Variants in ARMC3 observed in about 807,000 individuals in gnomAD.
The protein encoded by ARMC3 is armadillo repeat containing 3, also known as armadillo repeat-containing protein 3.
ARMC3 carries 74 observed loss-of-function variants against 90.3 expected under a neutral mutation model. The observed-to-expected ratio is 0.82, with a 90% CI of 0.68 to 0.99. ARMC3 has a LOEUF of 0.99. Ranked by LOEUF, ARMC3 falls within the 50% of genes least tolerant of loss-of-function variation. The pLI, the probability that ARMC3 is intolerant of heterozygous loss-of-function variation, is 0.00. For synonymous variants in ARMC3, 334 were observed against 361.8 expected, an observed-to-expected ratio of 0.92 and a Z score of 0.87; for missense variants, 958 against 1,042.8, an observed-to-expected ratio of 0.92 and a Z score of 1.12.
chr10:22,976,875 CACGG>C (rs1835947680), intron 8 of ARMC3, among the ~76,000 whole-genome samples: 1 of 152,162 alleles, frequency 6.6e-6, no homozygotes, highest in South Asian at 2.1e-4. Flanking sequence ...GCAGGGAGTT[CACGG>C]ACTGCCTGAA....
Position 23,032,911 on chromosome 10 carries a change from A to C in ARMC3, c.2297A>C (p.Asp766Ala). 6.2e-7 allele frequency: 1 copy of C among 1,613,064 alleles called. No individual in the cohort carries two copies. The highest frequency in any genetic ancestry group is 8.5e-7 in the Non-Finnish European group (1 of 1,179,416). The change falls in exon 18 of 19, where the codon GAT becomes GCT. Residue 766 changes from aspartate to alanine, a missense_variant. Physicochemically the swap from Asp to Ala is moderately radical, Grantham distance 126. Transcript: ENST00000298032. ...AAGATTCCAAAAGAGAAACTACCTG[A>C]TTTCAGCTGGGAACTTCACATAAGT... ...GGKIPKEKLP[D>A]FSWELHISEL...
At chr10:22,945,522 CT>C (rs1834492155) in intron 2 of ARMC3, among the ~76,000 whole-genome samples, 1 of 152,206 alleles carries the variant, frequency 6.6e-6, no homozygotes, top group African/African-American at 2.4e-5. Context: ...ATCATTTCCC[CT>C]GTTCCAGGTT....
At chr10:22,939,408 A>T (rs943725914) in intron 2 of ARMC3, among the ~76,000 whole-genome samples, 1 of 152,100 alleles carries the variant, frequency 6.6e-6, no homozygotes, top group Non-Finnish European at 1.5e-5. Flanking sequence ...CCCTCTCTAG[A>T]GCTCACACCG....
intron 16 of ARMC3, among the ~76,000 whole-genome samples, chr10:23,018,917 T>C (rs1280451806): frequency 6.6e-6 from 1 of 152,174 alleles, no homozygotes; most frequent in South Asian, 2.1e-4. Context: ...GTGACTCCCC[T>C]GACCCCTGCA....
chr10:23,022,026 TA>T (rs2131540558), intron 16 of ARMC3, among the ~76,000 whole-genome samples: 1 of 152,310 alleles, frequency 6.6e-6, no homozygotes, highest in East Asian at 1.9e-4. Context: ...GTGTCATGTC[TA>T]AAAACTCCCT....
At chr10:22,994,687 G>C (rs577990627) in intron 10 of ARMC3, among the ~76,000 whole-genome samples, 1 of 152,336 alleles carries the variant, frequency 6.6e-6, no homozygotes, top group South Asian at 2.1e-4. Context: ...AGGACTGGAG[G>C]GGGTGAGGAG....
Position 23,010,946 on chromosome 10 carries a change from T to TCCCC in ARMC3, c.2045+2015_2045+2016insCCCC, listed in dbSNP as rs1298852358. Among the ~76,000 whole-genome samples the TCCCC allele has an allele frequency of 7.3e-3, 775 of 106,338 alleles. 19 individuals are homozygous for TCCCC. Among genetic ancestry groups the TCCCC allele is most frequent in the Non-Finnish European group, 8.8e-3 (455 of 51,638 alleles). The allele number at this position is 106,338 out of a possible 152,430, so 69.8% of individuals were successfully genotyped here. A position where few individuals can be genotyped will look rare whatever the true frequency, so the allele number is the denominator to read the frequency against. On this transcript the variant is annotated intron_variant, in intron 16 of 18. Transcript: ENST00000298032. ...TTCCCTCCCCCTTCCTTCCTTTCCC[T>TCCCC]TCCCTTCCCTGTTCTTCCCTTCCCT...
intron 8 of ARMC3, among the ~76,000 whole-genome samples, chr10:22,973,657 T>G (rs1165712331): frequency 6.6e-6 from 1 of 151,646 alleles, no homozygotes; most frequent in African/African-American, 2.4e-5. Context: ...CTTATTCTTT[T>G]TTTAGCTATA....
chr10:23,009,486 G>GTGTTTTGTTT (rs143027846), intron 16 of ARMC3, among the ~76,000 whole-genome samples: 4 of 150,988 alleles, frequency 2.6e-5, no homozygotes, highest in Admixed American at 1.3e-4. Flanking sequence ...TTTGAGGTCT[G>GTGTTTTGTTT]TGTTTTGTTT....
At chr10:22,929,309 AGAAAAAGAAAG>A (rs1423131869) in intron 1 of ARMC3, among the ~76,000 whole-genome samples, 3 of 136,864 alleles carry the variant, frequency 2.2e-5, no homozygotes, top group African/African-American at 9.3e-5. Flanking sequence ...AGAAAGAAAA[AGAAAAAGAAAG>A]GAAAGGAAAG....
chr10:22,954,707 T>C (rs548260800), intron 3 of ARMC3, among the ~76,000 whole-genome samples: 1 of 149,246 alleles, frequency 6.7e-6, no homozygotes, highest in African/African-American at 2.5e-5. Context: ...AAAAGAAAAA[T>C]GGGAAGTAGA....
intron 8 of ARMC3, 30 bp downstream of exon 8, chr10:22,968,519 A>G: frequency 6.6e-7 from 1 of 1,523,488 alleles, no homozygotes; most frequent in Non-Finnish European, 8.8e-7. Context: ...ATTTATTTTG[A>G]GATAGGATCT....
At chr10:23,005,068 C>T (rs1040778420) in intron 13 of ARMC3, among the ~76,000 whole-genome samples, 1 of 151,984 alleles carries the variant, frequency 6.6e-6, no homozygotes, top group Admixed American at 6.6e-5. Flanking sequence ...AAAAAATTAG[C>T]CGGGCGTGGT....
intron 16 of ARMC3, among the ~76,000 whole-genome samples, 179 bp from the exon 17 acceptor site, chr10:23,030,417 G>A (rs1238408485): frequency 1.3e-5 from 2 of 151,962 alleles, no homozygotes; most frequent in Non-Finnish European, 2.9e-5. Context: ...GGATAAGAAG[G>A]GCCAACTGTA....
rs151114615 is a variant in ARMC3 at position 22,980,013 on chromosome 10, G to A, written c.917-1327G>A. ...CATCTAAACGTGATACTGCTTCTGC[G>A]AAAAAGGACGATTTTTTTTGAGTCA... On this transcript the variant is annotated intron_variant, in intron 8 of 18. Coordinates refer to ENST00000298032, the MANE Select transcript of ARMC3 (RefSeq NM_173081.5). Among the ~76,000 whole-genome samples the A allele has an allele frequency of 1.6e-4, 24 of 152,112 alleles. No individual in the cohort carries two copies. In the East Asian group the frequency reaches 2.9e-3, roughly 18 times the overall value.
intron 16 of ARMC3, chr10:23,014,237 C>A: frequency 6.6e-7 from 1 of 1,518,690 alleles, no homozygotes; most frequent in Non-Finnish European, 8.9e-7. Context: ...AATGATGATC[C>A]CTGCCTCAAA....
intron 1 of ARMC3, among the ~76,000 whole-genome samples, chr10:22,929,007 G>T (rs1437399606): frequency 6.6e-6 from 1 of 152,058 alleles, no homozygotes; most frequent in Non-Finnish European, 1.5e-5. Context: ...CGGGTGGATC[G>T]CCTGAAGTCA....
intron 11 of ARMC3, 136 bp from the exon 12 acceptor site, chr10:23,001,783 A>G (rs761392280): frequency 1.7e-5 from 19 of 1,113,214 alleles, no homozygotes; most frequent in Non-Finnish European, 2.4e-5. Flanking sequence ...AATTTAATAA[A>G]CCTAAAGATA....
chr10:23,030,657 C>A lies in ARMC3; in HGVS notation c.2107C>A (p.Pro703Thr), dbSNP rs752546887. ...VKEEEEVMVV[P>T]KFVGEGSSDK... The stretch of plus-strand genomic sequence containing the variant: ...AGAGGAGGAAGAGGTTATGGTGGTA[C>A]CAAAATTTGTTGGTGAAGGAAGCTC... Residue 703 changes from proline (P) to threonine (T), a missense_variant, in exon 17 of 19, where the codon CCA becomes ACA. By Grantham distance (38) the Pro-to-Thr change is conservative (BLOSUM62 -1). Transcript: ENST00000298032. The A allele has an allele frequency of 6.2e-7, 1 of 1,613,672 alleles. No individual in the cohort carries two copies. The highest frequency in any genetic ancestry group is 2.2e-5 in the East Asian group (1 of 44,848).
Sources: gnomAD v4.1 joint callset for allele counts (sites outside exome capture counted in the v4.1 genomes callset) on GRCh38, gnomAD v4.1.1 for gene constraint, MANE v1.5 for transcripts, NCBI Gene and HGNC (gene_info 2026-07-23, HGNC 2026-07-21) for gene names.